The following MORC3 variants were observed in gnomAD, a reference collection of about 807,000 sequenced individuals.
MORC3 encodes MORC family CW-type zinc finger 3, also known as MORC family CW-type zinc finger protein 3.
A neutral mutation model predicts 109.1 loss-of-function variants in MORC3; 31 were observed. That is an observed-to-expected ratio of 0.28 (90% CI 0.21 to 0.38). The LOEUF (loss-of-function observed/expected upper bound fraction) is 0.38, where lower values mean the gene tolerates loss of function less well. MORC3 is among the 10% of genes least tolerant of loss of function. MORC3 has a pLI of 1.00. For missense variants in MORC3, 867 were observed against 1,135.8 expected, an observed-to-expected ratio of 0.76 and a Z score of 3.40; for synonymous variants, 395 against 380.7, an observed-to-expected ratio of 1.04 and a Z score of -0.44.
intron 14 of MORC3, among the ~76,000 whole-genome samples, chr21:36,367,907 G>A (rs770338073): frequency 6.6e-6 from 1 of 152,180 alleles, no homozygotes; most frequent in Non-Finnish European, 1.5e-5. Flanking sequence ...AGTTAAGCTA[G>A]CAATAGACTT....
At chr21:36,366,737 G>A (rs1199859480) in intron 14 of MORC3, among the ~76,000 whole-genome samples, 1 of 152,208 alleles carries the variant, frequency 6.6e-6, no homozygotes, top group Admixed American at 6.5e-5. Flanking sequence ...TTACAGGCGT[G>A]AGCCACTTTG....
intron 1 of MORC3, among the ~76,000 whole-genome samples, chr21:36,322,879 A>G (rs1314647913): frequency 6.6e-6 from 1 of 151,650 alleles, no homozygotes; most frequent in Non-Finnish European, 1.5e-5. Context: ...CACCTCCCAT[A>G]CTTCAATGCT....
chr21:36,373,837 A>G (rs1171887715), intron 16 of MORC3, among the ~76,000 whole-genome samples: 1 of 152,194 alleles, frequency 6.6e-6, no homozygotes, highest in Non-Finnish European at 1.5e-5. Context: ...GGGGTAGGGA[A>G]CAAGAACAAC....
Sources: gnomAD v4.1 joint callset for allele counts (sites outside exome capture counted in the v4.1 genomes callset) on GRCh38, gnomAD v4.1.1 for gene constraint, MANE v1.5 for transcripts, NCBI Gene and HGNC (gene_info 2026-07-23, HGNC 2026-07-21) for gene names.